RAD51B: variants seen among roughly 807,000 people sequenced by gnomAD.
RAD51B encodes DNA repair protein RAD51 homolog 2.
Under a neutral mutation model 42.2 loss-of-function variants are expected in RAD51B, and 38 were observed. The ratio of observed to expected loss-of-function variants is 0.90; its 90% CI spans 0.70 to 1.18. RAD51B has a LOEUF of 1.18. Among genes scored for constraint, RAD51B ranks in the 50% most tolerant of loss-of-function variants. The probability of loss-of-function intolerance (pLI) is 0.00; values close to 1 mark genes in which losing one functional copy is unlikely to be tolerated. For synonymous variants in RAD51B, 154 were observed against 145.2 expected, an observed-to-expected ratio of 1.06 and a Z score of -0.43; for missense variants, 373 against 400.7, an observed-to-expected ratio of 0.93 and a Z score of 0.59.
chr14:68,655,983 C>A (rs1165511483), intron 11 of RAD51B, among the ~76,000 whole-genome samples: 1 of 152,206 alleles, frequency 6.6e-6, no homozygotes, highest in East Asian at 1.9e-4. Context: ...CACATTCAAC[C>A]ACAGCCATTC....
chr14:68,527,163 C>T (rs1886987796), intron 10 of RAD51B, among the ~76,000 whole-genome samples: 6 of 152,192 alleles, frequency 3.9e-5, no homozygotes, highest in South Asian at 4.1e-4. Flanking sequence ...AATGAAAAAG[C>T]CTACATGCTC....
chr14:68,129,033 A>G (rs181491247), intron 7 of RAD51B, among the ~76,000 whole-genome samples: 32 of 152,294 alleles, frequency 2.1e-4, no homozygotes, highest in African/African-American at 5.8e-4. Flanking sequence ...TGCTTCTGGA[A>G]GAATTCACTG....
intron 10 of RAD51B, among the ~76,000 whole-genome samples, chr14:68,580,666 G>C (rs1245643379): frequency 1.3e-5 from 2 of 152,094 alleles, no homozygotes; most frequent in Non-Finnish European, 2.9e-5. Flanking sequence ...GCACACGCCT[G>C]CCCCACACCT....
intron 10 of RAD51B, among the ~76,000 whole-genome samples, chr14:68,593,923 G>C (rs1194282007): frequency 1.3e-5 from 2 of 152,214 alleles, no homozygotes; most frequent in Admixed American, 6.5e-5. Flanking sequence ...GCCAGTGTCG[G>C]ATCAGCTCAG....
At chr14:67,858,315 T>C (rs975904000) in intron 4 of RAD51B, among the ~76,000 whole-genome samples, 9 of 152,120 alleles carry the variant, frequency 5.9e-5, no homozygotes, top group African/African-American at 2.2e-4. Flanking sequence ...GATAATTTTA[T>C]TGAGCGATGA....
chr14:68,117,918 A>G (rs773650636), intron 7 of RAD51B, among the ~76,000 whole-genome samples: 4 of 152,220 alleles, frequency 2.6e-5, no homozygotes, highest in African/African-American at 4.8e-5. Context: ...TTTATGGACT[A>G]TAGAAGAAAA....
intron 7 of RAD51B, among the ~76,000 whole-genome samples, chr14:68,216,752 A>G (rs2079823683): frequency 6.6e-6 from 1 of 152,144 alleles, no homozygotes; most frequent in Non-Finnish European, 1.5e-5. Context: ...CACCTCCTCC[A>G]TCAGCAGGGA....
At chr14:68,239,168 C>T (rs904295259) in intron 7 of RAD51B, among the ~76,000 whole-genome samples, 4 of 152,202 alleles carry the variant, frequency 2.6e-5, no homozygotes, top group Non-Finnish European at 5.9e-5. Context: ...GAGGAAAACG[C>T]CTCCACTCCC....
rs1402921378 is a variant in RAD51B at position 68,044,936 on chromosome 14, G to A, written c.756+157732G>A. 2.6e-5 allele frequency among the ~76,000 whole-genome samples: 4 copies of A among 152,026 alleles called. No homozygotes were observed. In the South Asian group the frequency reaches 6.2e-4, roughly 24 times the overall value. The stretch of plus-strand genomic sequence containing the variant: ...CATCCCATGAGTCTGATGCTATTAC[G>A]TTTTAGAAAATTGAAATGACTGGCC... On this transcript the variant is annotated intron_variant, in intron 7 of 10. Coordinates refer to ENST00000471583, the MANE Select transcript of RAD51B (RefSeq NM_133510.4).
At chr14:67,966,521 A>G (rs10142285) in intron 7 of RAD51B, among the ~76,000 whole-genome samples, 9,108 of 152,290 alleles carry the variant, frequency 0.06, 639 homozygotes, top group African/African-American at 0.17. Context: ...CTTCTCTGAC[A>G]TTCTCTCACC....
At chr14:68,335,296 C>CAAAAAAAAA (rs768281887) in intron 8 of RAD51B, among the ~76,000 whole-genome samples, 2 of 43,174 alleles carry the variant, frequency 4.6e-5, no homozygotes, top group East Asian at 5.7e-4. Flanking sequence ...GACCCTGTGT[C>CAAAAAAAAA]AAAAAAAAAA....
chr14:68,568,179 C>T (rs1238469196), intron 10 of RAD51B, among the ~76,000 whole-genome samples: 1 of 152,114 alleles, frequency 6.6e-6, no homozygotes, highest in Non-Finnish European at 1.5e-5. Flanking sequence ...TCTTGCGACA[C>T]AGAAAGGTAA....
At chr14:68,334,284 T>TA (rs1208070728) in intron 8 of RAD51B, among the ~76,000 whole-genome samples, 3 of 152,132 alleles carry the variant, frequency 2.0e-5, no homozygotes, top group African/African-American at 7.2e-5. Flanking sequence ...ACATACTTTG[T>TA]ATATTATATA....
chr14:68,575,643 G>T (rs541483890), intron 10 of RAD51B, among the ~76,000 whole-genome samples: 2 of 152,138 alleles, frequency 1.3e-5, no homozygotes, highest in Non-Finnish European at 2.9e-5. Context: ...AATGAGGAAG[G>T]CTCAGCAACT....
intron 7 of RAD51B, among the ~76,000 whole-genome samples, chr14:67,929,488 A>G (rs2044647832): frequency 6.6e-6 from 1 of 152,178 alleles, no homozygotes. Context: ...GATTAGTTTT[A>G]TAGCCTAACA....
intron 7 of RAD51B, among the ~76,000 whole-genome samples, chr14:68,266,001 G>A (rs1043319023): frequency 3.3e-5 from 5 of 152,186 alleles, no homozygotes; most frequent in Non-Finnish European, 4.4e-5. Context: ...CATGCACTGG[G>A]TTTATAGATG....
At chr14:67,897,098 A>C (rs1022446592) in intron 7 of RAD51B, among the ~76,000 whole-genome samples, 1 of 152,184 alleles carries the variant, frequency 6.6e-6, no homozygotes, top group African/African-American at 2.4e-5. Flanking sequence ...AATAAATTCA[A>C]ATGGACTAAA....
At chr14:68,242,716 G>C (rs1049115005) in intron 7 of RAD51B, among the ~76,000 whole-genome samples, 5 of 152,156 alleles carry the variant, frequency 3.3e-5, no homozygotes, top group Non-Finnish European at 7.3e-5. Context: ...TGCTAAATAA[G>C]TACTTTTCAC....
intron 9 of RAD51B, chr14:68,421,756 G>T (rs915868723): frequency 1.4e-5 from 22 of 1,597,256 alleles, no homozygotes; most frequent in Non-Finnish European, 1.8e-5. Context: ...GCCATTCCTG[G>T]ACCCAAAGCA....
Sources: allele counts gnomAD v4.1 joint callset (sites outside exome capture counted in the v4.1 genomes callset), GRCh38; gene constraint gnomAD v4.1.1; transcripts MANE v1.5; gene names NCBI Gene and HGNC (gene_info 2026-07-23, HGNC 2026-07-21).